The following SH2D6 variants were observed in gnomAD, a reference collection of about 807,000 sequenced individuals.
SH2D6 encodes the protein SH2 domain containing 6.
Under a neutral mutation model 30.2 loss-of-function variants are expected in SH2D6, and 31 were observed. That is an observed-to-expected ratio of 1.03 (90% CI 0.77 to 1.38). The LOEUF is 1.38. SH2D6 is among the 40% of genes most tolerant of loss of function. The pLI is 0.00. For synonymous variants in SH2D6, 93 were observed against 104.6 expected, an observed-to-expected ratio of 0.89 and a Z score of 0.68; for missense variants, 240 against 266.8, an observed-to-expected ratio of 0.90 and a Z score of 0.70.
At chr2:85,434,000 C>A in intron 16 of SH2D6, 33 bp from the exon 17 acceptor site, 3 of 1,535,234 alleles carry the variant, frequency 2.0e-6, no homozygotes, top group South Asian at 1.2e-5. Flanking sequence ...GCCTGGTGCT[C>A]AGCCGAGCCC....
At position 85,435,738 on chromosome 2, in the gene SH2D6, C is replaced by T. The variant is rs774736779; in HGVS notation, c.805C>T (p.Arg269Ter). ...SQPFTLAVLL[R>*]GRVFNIPIRR... ...GCCCTTCACCCTGGCAGTGCTTCTC[C>T]GAGGCCGGGTCTTCAACATTCCCAT... is the stretch of plus-strand genomic sequence containing the variant. Residue 269 changes from arginine (R) to a stop codon, truncating the protein, a stop_gained, in exon 22 of 24, where the codon CGA becomes TGA. Coordinates refer to ENST00000469800, the MANE Select transcript of SH2D6 (RefSeq NM_001394463.1). LOFTEE classifies it high-confidence loss of function. 20 of 1,612,562 alleles carry T rather than the reference C, an allele frequency of 1.2e-5. No individual in the cohort carries two copies. Among genetic ancestry groups the T allele is most frequent in the Admixed American group, 5.0e-5 (3 of 59,814 alleles).
intron 20 of SH2D6, 88 bp downstream of exon 20, chr2:85,435,211 G>T: frequency 7.1e-7 from 1 of 1,412,454 alleles, no homozygotes; most frequent in Non-Finnish European, 9.8e-7. Flanking sequence ...TGGGCTGAAG[G>T]GTGCACCACT....
At chr2:85,424,157 T>C (rs1265885740) in intron 5 of SH2D6, among the ~76,000 whole-genome samples, 3 of 152,246 alleles carry the variant, frequency 2.0e-5, no homozygotes, top group Non-Finnish European at 4.4e-5. Context: ...CTTTCCTTTC[T>C]ACCCCACCTA....
In SH2D6 at chr2:85,432,780, C is replaced by T. The variant is rs1445258688; in HGVS notation, c.371-319C>T. On this transcript the variant is annotated intron_variant, in intron 14 of 23. Transcript: ENST00000469800. ...CGAACTCCTCACCTCAAGTGATCTGCCCGCCTCAGCCTCCCAAAGTGCTGG... is the reference window on the plus strand; with the variant it reads ...CGAACTCCTCACCTCAAGTGATCTGTCCGCCTCAGCCTCCCAAAGTGCTGG... Among the ~76,000 whole-genome samples the T allele has an allele frequency of 5.3e-5, 8 of 152,230 alleles. 1 individual carries two copies. Among genetic ancestry groups the T allele is most frequent in the Admixed American group, 5.2e-4 (8 of 15,290 alleles).
intron 14 of SH2D6, among the ~76,000 whole-genome samples, chr2:85,432,592 G>C (rs1433637093): frequency 6.6e-6 from 1 of 151,966 alleles, no homozygotes; most frequent in Admixed American, 6.6e-5. Flanking sequence ...AGTAGAGACG[G>C]GGTTTCACCG....
chr2:85,433,538 AC>A, intron 15 of SH2D6, 32 bp from the exon 16 acceptor site: 1 of 987,564 alleles, frequency 1.0e-6, no homozygotes, highest in Non-Finnish European at 1.2e-6. Flanking sequence ...GACTGGTCAA[AC>A]CCATGGTCTC....
At chr2:85,433,305 C>T (rs972241549) in intron 15 of SH2D6, among the ~76,000 whole-genome samples, 184 bp downstream of exon 15, 2 of 152,214 alleles carry the variant, frequency 1.3e-5, no homozygotes, top group African/African-American at 4.8e-5. Context: ...CCTGAGGGTG[C>T]CGCCCAGGGA....
At chr2:85,433,064 G>T (rs971721063) in intron 14 of SH2D6, 35 bp from the exon 15 acceptor site, 1 of 985,934 alleles carries the variant, frequency 1.0e-6, no homozygotes, top group African/African-American at 1.7e-5. Context: ...GCTCCCTGCC[G>T]TGCATGACAG....
At chr2:85,434,692 C>G in intron 19 of SH2D6, 195 bp downstream of exon 19, 1 of 1,364,794 alleles carries the variant, frequency 7.3e-7, no homozygotes, top group East Asian at 2.5e-5. Context: ...AGGGCCTGCC[C>G]CAGCCCCAGC....
intron 15 of SH2D6, 116 bp downstream of exon 15, chr2:85,433,237 C>T (rs898625975): frequency 1.3e-6 from 1 of 757,158 alleles, no homozygotes; most frequent in Non-Finnish European, 1.6e-6. Flanking sequence ...GGGAAAAGGC[C>T]CAGAGCAGGG....
At chr2:85,436,771 A>C in intron 23 of SH2D6, 66 bp from the exon 24 acceptor site, 1 of 568,644 alleles carries the variant, frequency 1.8e-6, no homozygotes, top group East Asian at 3.0e-5. Flanking sequence ...CCCCATGCTC[A>C]CCTAGAGCCT....
chr2:85,435,840 G>A lies in SH2D6; in HGVS notation c.891+16G>A, dbSNP rs1419255775. On this transcript the variant is annotated intron_variant, in intron 22 of 23. Transcript: ENST00000469800. ...CCGTGAGGAGGTGGGAGCTGGAGGAGGCAGGGGCCTAAGGAGGGACCACAG... is the reference window on the plus strand; with the variant it reads ...CCGTGAGGAGGTGGGAGCTGGAGGAAGCAGGGGCCTAAGGAGGGACCACAG... 8 of 1,571,498 alleles carry A rather than the reference G, an allele frequency of 5.1e-6. No homozygotes were observed. In the Admixed American group the frequency reaches 9.3e-5, roughly 18 times the overall value.
chr2:85,435,681 G>A lies in SH2D6; in HGVS notation c.748G>A (p.Val250Met), dbSNP rs149721029. 474 of 1,609,614 alleles carry A rather than the reference G, an allele frequency of 2.9e-4. 1 individual carries two copies. The African/African-American group carries it at 4.4e-3, about 15-fold the overall frequency. Reference sequence around the variant, plus strand: ...TCCTCCACAGGATGGGGCCTATACCGTGCGCCCCAGCTCAGGGCCTCATGG... The same window carrying A: ...TCCTCCACAGGATGGGGCCTATACCATGCGCCCCAGCTCAGGGCCTCATGG... ...LHLQKDGAYT[V>M]RPSSGPHGSQ... is the part of the protein sequence containing the mutation. The change falls in exon 22 of 24, where the codon GTG becomes ATG. Residue 250 changes from valine (V) to methionine (M), a missense_variant. Transcript: ENST00000469800.
At chr2:85,427,735 A>G (rs1371629613) in intron 6 of SH2D6, among the ~76,000 whole-genome samples, 1 of 152,258 alleles carries the variant, frequency 6.6e-6, no homozygotes, top group Non-Finnish European at 1.5e-5. Flanking sequence ...GAATAGACCC[A>G]GTAGAACCAA....
intron 23 of SH2D6, 106 bp from the exon 24 acceptor site, chr2:85,436,731 G>A: frequency 1.0e-5 from 7 of 677,704 alleles, no homozygotes; most frequent in South Asian, 8.7e-5. Flanking sequence ...AGCCTGCCTG[G>A]AGGCCCAGGG....
chr2:85,434,175 C>T, intron 17 of SH2D6, 64 bp downstream of exon 17: 1 of 1,535,294 alleles, frequency 6.5e-7, no homozygotes, highest in African/African-American at 1.4e-5. Flanking sequence ...AGACAGCACC[C>T]CAGTTCAGGC....
chr2:85,428,168 C>G (rs1364105421), intron 6 of SH2D6, among the ~76,000 whole-genome samples: 1 of 152,164 alleles, frequency 6.6e-6, no homozygotes, highest in East Asian at 1.9e-4. Flanking sequence ...TAAATTCACT[C>G]AGGTAACAGA....
Position 85,436,598 on chromosome 2 carries a change from C to T in SH2D6, c.*12+4C>T. 6.2e-7 allele frequency: 1 copy of T among 1,606,620 alleles called. No homozygotes were observed. Among genetic ancestry groups the T allele is most frequent in the Non-Finnish European group, 8.5e-7 (1 of 1,173,500 alleles). Reference sequence around the variant, plus strand: ...CAAGCCTTGAGGCCACAGCGAAGTACACACCGCCTTTGGCCCCAGTTTGCT... The same window carrying T: ...CAAGCCTTGAGGCCACAGCGAAGTATACACCGCCTTTGGCCCCAGTTTGCT... On this transcript the variant is annotated splice_donor_region_variant and intron_variant, in intron 23 of 23. Transcript: ENST00000469800.
intron 5 of SH2D6, among the ~76,000 whole-genome samples, 159 bp from the exon 6 acceptor site, chr2:85,425,149 C>T (rs1007020326): frequency 2.6e-5 from 4 of 152,074 alleles, no homozygotes; most frequent in African/African-American, 9.7e-5. Context: ...TTCCACCTTC[C>T]CAGGAGACAC....
Sources: gnomAD v4.1 joint callset for allele counts (sites outside exome capture counted in the v4.1 genomes callset) on GRCh38, gnomAD v4.1.1 for gene constraint, MANE v1.5 for transcripts, NCBI Gene and HGNC (gene_info 2026-07-23, HGNC 2026-07-21) for gene names.